The following BNC2 variants were observed in gnomAD, a reference collection of about 807,000 sequenced individuals.
The protein encoded by BNC2 is zinc finger protein basonuclin-2.
A neutral mutation model predicts 76.3 loss-of-function variants in BNC2; 20 were observed. That is an observed-to-expected ratio of 0.26 (90% CI 0.18 to 0.38). The LOEUF (loss-of-function observed/expected upper bound fraction) is 0.38, where lower values mean the gene tolerates loss of function less well. Ranked by LOEUF, BNC2 falls within the 10% of genes least tolerant of loss-of-function variation. The probability of loss-of-function intolerance (pLI) is 1.00; values close to 1 mark genes in which losing one functional copy is unlikely to be tolerated. For missense variants in BNC2, 1,382 were observed against 1,399.8 expected, an observed-to-expected ratio of 0.99 and a Z score of 0.20; for synonymous variants, 582 against 514.8, an observed-to-expected ratio of 1.13 and a Z score of -1.77.
intron 5 of BNC2, among the ~76,000 whole-genome samples, chr9:16,469,140 G>C (rs946725386): frequency 3.9e-5 from 6 of 152,116 alleles, no homozygotes; most frequent in Non-Finnish European, 5.9e-5. Flanking sequence ...CTAAATTTTA[G>C]TTTATAAGGA....
At chr9:16,715,510 G>A (rs1167113061) in intron 3 of BNC2, among the ~76,000 whole-genome samples, 1 of 152,202 alleles carries the variant, frequency 6.6e-6, no homozygotes, top group Non-Finnish European at 1.5e-5. Flanking sequence ...AGGGCTGAAT[G>A]TAGCCTGCAG....
At chr9:16,788,594 C>G (rs1209791031) in intron 1 of BNC2, among the ~76,000 whole-genome samples, 1 of 148,542 alleles carries the variant, frequency 6.7e-6, no homozygotes, top group Admixed American at 6.7e-5. Context: ...TTAAACATGA[C>G]AAGTTGATTC....
At chr9:16,800,891 A>T (rs1364018516) in intron 1 of BNC2, among the ~76,000 whole-genome samples, 1 of 152,240 alleles carries the variant, frequency 6.6e-6, no homozygotes, top group African/African-American at 2.4e-5. Flanking sequence ...TAGAAAAAAA[A>T]GGGAAGCTAT....
At position 16,451,799 on chromosome 9, in the gene BNC2, T is replaced by G. The variant is rs112398738; in HGVS notation, c.670-14275A>C. On this transcript the variant is annotated intron_variant, in intron 5 of 6. Coordinates refer to ENST00000380672, the MANE Select transcript of BNC2 (RefSeq NM_017637.6). ...TCAGGGATCTGCTTATATTTCTCTG[T>G]CAAGTAGGTCTCTTTATTTCAGGTT... Among the ~76,000 whole-genome samples, 1,329 of 152,290 alleles carry G rather than the reference T, an allele frequency of 8.7e-3. 24 individuals are homozygous for G. The highest frequency in any genetic ancestry group is 0.03 in the African/African-American group (1,250 of 41,562).
intron 6 of BNC2, among the ~76,000 whole-genome samples, chr9:16,420,928 T>A (rs558042540): frequency 1.3e-4 from 20 of 152,148 alleles, no homozygotes; most frequent in African/African-American, 1.9e-4. Flanking sequence ...TAAACTGACA[T>A]ATCTACAGAT....
intron 1 of BNC2, among the ~76,000 whole-genome samples, chr9:16,806,174 T>G (rs1006061857): frequency 6.6e-6 from 1 of 152,134 alleles, no homozygotes; most frequent in African/African-American, 2.4e-5. Context: ...ATAAAAATAC[T>G]CAAATATTTA....
intron 3 of BNC2, among the ~76,000 whole-genome samples, chr9:16,589,948 G>GA (rs778523294): frequency 6.6e-6 from 1 of 152,024 alleles, no homozygotes; most frequent in Non-Finnish European, 1.5e-5. Flanking sequence ...TTAAATTATA[G>GA]AAAAAGCTAG....
chr9:16,516,131 G>A (rs1817417624), intron 5 of BNC2, among the ~76,000 whole-genome samples: 1 of 152,142 alleles, frequency 6.6e-6, no homozygotes, highest in African/African-American at 2.4e-5. Flanking sequence ...CCTTTCGGGT[G>A]GCCTGGTAAA....
intron 3 of BNC2, among the ~76,000 whole-genome samples, chr9:16,696,201 C>T (rs183411176): frequency 6.6e-6 from 1 of 152,300 alleles, no homozygotes; most frequent in Non-Finnish European, 1.5e-5. Flanking sequence ...ACACATTCTC[C>T]TAGATCATGT....
chr9:16,779,688 A>G (rs892602729), intron 1 of BNC2, among the ~76,000 whole-genome samples: 11 of 152,252 alleles, frequency 7.2e-5, no homozygotes, highest in African/African-American at 2.7e-4. Context: ...ATATGGCACA[A>G]CATGGATGAA....
In BNC2 at chr9:16,502,809, T is replaced by G. The variant is rs73645990; in HGVS notation, c.669+49721A>C. Reference sequence around the variant, plus strand: ...TTCTGCTGAAAAGAAAGTCTGTGAATTGGTATACAGGCTTTTACTTGATGA... The same window carrying G: ...TTCTGCTGAAAAGAAAGTCTGTGAAGTGGTATACAGGCTTTTACTTGATGA... On this transcript the variant is annotated intron_variant, in intron 5 of 6. Transcript: ENST00000380672. Among the ~76,000 whole-genome samples the G allele has an allele frequency of 9.9e-4, 151 of 152,330 alleles. 1 individual carries two copies. The highest frequency in any genetic ancestry group is 3.3e-3 in the African/African-American group (139 of 41,566).
At chr9:16,670,963 G>C (rs2134176435) in intron 3 of BNC2, among the ~76,000 whole-genome samples, 1 of 152,170 alleles carries the variant, frequency 6.6e-6, no homozygotes, top group East Asian at 1.9e-4. Context: ...CCCCACCTGA[G>C]TCATGCTTCC....
chr9:16,653,304 C>T (rs956567105), intron 3 of BNC2, among the ~76,000 whole-genome samples: 13 of 152,218 alleles, frequency 8.5e-5, no homozygotes, highest in Non-Finnish European at 1.5e-4. Flanking sequence ...AGGGGAAACA[C>T]ACGCACTCAC....
intron 5 of BNC2, among the ~76,000 whole-genome samples, chr9:16,479,568 A>T (rs1822002709): frequency 1.3e-5 from 2 of 152,210 alleles, no homozygotes; most frequent in African/African-American, 4.8e-5. Context: ...CTACCATCTA[A>T]ATTCTACAAT....
intron 4 of BNC2, among the ~76,000 whole-genome samples, chr9:16,570,008 A>T (rs1210921505): frequency 6.6e-6 from 1 of 151,998 alleles, no homozygotes; most frequent in Non-Finnish European, 1.5e-5. Context: ...TACCTGAATT[A>T]ACTATGTACA....
chr9:16,808,511 CAG>C (rs1217746601), intron 1 of BNC2, among the ~76,000 whole-genome samples: 7 of 60,168 alleles, frequency 1.2e-4, no homozygotes, highest in Non-Finnish European at 2.4e-4. Flanking sequence ...TTTTTTGAGA[CAG>C]AGTCTCATTC....
intron 5 of BNC2, among the ~76,000 whole-genome samples, chr9:16,528,036 AT>A (rs1301443096): frequency 6.6e-6 from 1 of 152,224 alleles, no homozygotes; most frequent in African/African-American, 2.4e-5. Context: ...TGCCAAATGC[AT>A]CTTGTATTAT....
intron 5 of BNC2, among the ~76,000 whole-genome samples, chr9:16,476,430 C>T (rs1362705256): frequency 6.6e-6 from 1 of 152,028 alleles, no homozygotes; most frequent in Non-Finnish European, 1.5e-5. Flanking sequence ...AGTATCTCAC[C>T]CCTCATCATC....
intron 1 of BNC2, among the ~76,000 whole-genome samples, chr9:16,845,669 C>G (rs1013667201): frequency 6.6e-6 from 1 of 151,958 alleles, no homozygotes; most frequent in Non-Finnish European, 1.5e-5. Flanking sequence ...TGCAGTGAGC[C>G]GAGATCGCAC....
Sources: gnomAD v4.1 joint callset for allele counts (sites outside exome capture counted in the v4.1 genomes callset) on GRCh38, gnomAD v4.1.1 for gene constraint, MANE v1.5 for transcripts, NCBI Gene and HGNC (gene_info 2026-07-23, HGNC 2026-07-21) for gene names.